SMAD1: variants seen among roughly 807,000 people sequenced by gnomAD.
SMAD1 encodes the protein SMAD family member 1, also known as MAD, mothers against decapentaplegic homolog 1.
Under a neutral mutation model 41.6 loss-of-function variants are expected in SMAD1, and 6 were observed. The ratio of observed to expected loss-of-function variants is 0.14; its 90% CI spans 0.08 to 0.28. The LOEUF is 0.28. SMAD1 is among the 10% of genes least tolerant of loss of function. The probability of loss-of-function intolerance (pLI) is 1.00; values close to 1 mark genes in which losing one functional copy is unlikely to be tolerated. For synonymous variants in SMAD1, 206 were observed against 203.2 expected, an observed-to-expected ratio of 1.01 and a Z score of -0.12; for missense variants, 379 against 582.6, an observed-to-expected ratio of 0.65 and a Z score of 3.60.
At chr4:145,534,273 A>G (rs1483682808) in intron 2 of SMAD1, among the ~76,000 whole-genome samples, 1 of 152,262 alleles carries the variant, frequency 6.6e-6, no homozygotes, top group Non-Finnish European at 1.5e-5. Context: ...TGCAGACAAT[A>G]CTTGTAGAAC....
upstream of SMAD1, among the ~76,000 whole-genome samples, chr4:145,481,026 T>A (rs1728152015): frequency 6.6e-6 from 1 of 151,984 alleles, no homozygotes; most frequent in Admixed American, 6.6e-5. Context: ...TTATGCAGCT[T>A]CAAGAGTTAG....
chr4:145,546,507 C>T, intron 4 of SMAD1, 196 bp from the exon 5 acceptor site: 2 of 550,422 alleles, frequency 3.6e-6, no homozygotes, highest in Non-Finnish European at 6.5e-6. Context: ...CAATTTTCTC[C>T]AATTAGGAGA....
intron 1 of SMAD1, among the ~76,000 whole-genome samples, chr4:145,492,947 A>G (rs912609447): frequency 6.6e-5 from 10 of 152,236 alleles, no homozygotes; most frequent in African/African-American, 2.4e-4. Flanking sequence ...AATTACATTC[A>G]GCCTTAAGTG....
chr4:145,516,396 T>G (rs1200175904), intron 2 of SMAD1, among the ~76,000 whole-genome samples: 1 of 152,234 alleles, frequency 6.6e-6, no homozygotes, highest in Non-Finnish European at 1.5e-5. Flanking sequence ...TATTGGAATT[T>G]CGTTGATTTC....
intron 2 of SMAD1, among the ~76,000 whole-genome samples, chr4:145,529,826 A>G (rs916036718): frequency 6.6e-6 from 1 of 152,218 alleles, no homozygotes; most frequent in Non-Finnish European, 1.5e-5. Flanking sequence ...CAGTGCATGT[A>G]GTAACCATTT....
intron 1 of SMAD1, among the ~76,000 whole-genome samples, chr4:145,501,453 A>G (rs1729430787): frequency 6.6e-6 from 1 of 152,216 alleles, no homozygotes; most frequent in African/African-American, 2.4e-5. Context: ...GAGGGTCCTG[A>G]TTAAATTATG....
At position 145,515,134 on chromosome 4, in the gene SMAD1, CTGTGTGTGTGTGTGTGTG is replaced by C. The variant is rs377610507; in HGVS notation, c.400+147_400+164del. The C allele has an allele frequency of 1.8e-4, 96 of 535,720 alleles. No homozygotes were observed. In the Middle Eastern group the frequency reaches 2.4e-3, roughly 13 times the overall value. 33.2% of individuals were successfully genotyped at this position (535,720 alleles called of 1,614,324 possible). A position where few individuals can be genotyped will look rare whatever the true frequency, so the allele number is the denominator to read the frequency against. The stretch of plus-strand genomic sequence containing the variant: ...TGTAATTTAAAAATATTTGGGGAAA[CTGTGTGTGTGTGTGTGTG>C]TGTGTGTGTGTGTGTGTGTGTGTGT... On this transcript the variant is annotated intron_variant, in intron 2 of 6. Coordinates refer to ENST00000302085, the MANE Select transcript of SMAD1 (RefSeq NM_005900.3).
intron 2 of SMAD1, among the ~76,000 whole-genome samples, chr4:145,520,238 C>A (rs535989621): frequency 6.6e-6 from 1 of 152,308 alleles, no homozygotes; most frequent in South Asian, 2.1e-4. Context: ...GAGGTCAAAT[C>A]AGTGTGTCAA....
At chr4:145,508,816 C>T (rs1363501887) in intron 1 of SMAD1, among the ~76,000 whole-genome samples, 1 of 152,168 alleles carries the variant, frequency 6.6e-6, no homozygotes, top group Non-Finnish European at 1.5e-5. Flanking sequence ...ATGGCCTCTT[C>T]TCTCTGTAAC....
Position 145,546,146 on chromosome 4 carries a change from G to A in SMAD1, c.776-557G>A, listed in dbSNP as rs75529094. On this transcript the variant is annotated intron_variant, in intron 4 of 6. Coordinates refer to ENST00000302085, the MANE Select transcript of SMAD1 (RefSeq NM_005900.3). ...AGAACTGGAGCAACACTGTAGCTGT[G>A]ATAGTTATTGGCAACTTAATATGAG... 8.5e-3 allele frequency: 1,330 copies of A among 156,210 alleles called. 18 individuals are homozygous for A. Among genetic ancestry groups the A allele is most frequent in the Non-Finnish European group, 0.015 (1,044 of 70,282 alleles). The allele number at this position is 156,210 out of a possible 1,614,324, so 9.7% of individuals were successfully genotyped here.
chr4:145,489,780 G>C lies in SMAD1; in HGVS notation c.-177+7742G>C, dbSNP rs537829162. 2.6e-5 allele frequency among the ~76,000 whole-genome samples: 4 copies of C among 152,324 alleles called. No individual in the cohort carries two copies. In the South Asian group the frequency reaches 8.3e-4, roughly 32 times the overall value. ...TACGTTAGACTCTCTGCAGTCATCT[G>C]CTGGGTATTCTGAGACAACCACAAA... On this transcript the variant is annotated intron_variant, in intron 1 of 6. Coordinates refer to ENST00000302085, the MANE Select transcript of SMAD1 (RefSeq NM_005900.3).
intron 4 of SMAD1, 57 bp downstream of exon 4, chr4:145,542,755 A>C: frequency 2.6e-6 from 3 of 1,144,342 alleles, no homozygotes; most frequent in East Asian, 4.8e-5. Flanking sequence ...TCCAGATGTT[A>C]CTTTCTCTCA....
chr4:145,490,250 G>A (rs1254552582), intron 1 of SMAD1, among the ~76,000 whole-genome samples: 1 of 152,228 alleles, frequency 6.6e-6, no homozygotes, highest in Non-Finnish European at 1.5e-5. Context: ...ACCGTGGTAA[G>A]GAGGGAGAGT....
intron 1 of SMAD1, among the ~76,000 whole-genome samples, chr4:145,500,692 G>T (rs1257152745): frequency 1.3e-5 from 2 of 152,118 alleles, no homozygotes; most frequent in Admixed American, 1.3e-4. Flanking sequence ...TTTGTTGAGT[G>T]AATTGAATAA....
chr4:145,533,967 G>C (rs1024379241), intron 2 of SMAD1, among the ~76,000 whole-genome samples: 32 of 152,270 alleles, frequency 2.1e-4, no homozygotes, highest in African/African-American at 7.7e-4. Flanking sequence ...TGGAGATAGG[G>C]CCTTTAAAAG....
chr4:145,549,149 G>A (rs1012793614), intron 5 of SMAD1, among the ~76,000 whole-genome samples: 26 of 152,140 alleles, frequency 1.7e-4, no homozygotes, highest in African/African-American at 5.8e-4. Context: ...CAGTTAAAGA[G>A]ATATGACACC....
In SMAD1 at chr4:145,525,966, A is replaced by G. The variant is rs191856288; in HGVS notation, c.400+10953A>G. Among the ~76,000 whole-genome samples the G allele has an allele frequency of 1.2e-4, 19 of 152,350 alleles. No individual in the cohort carries two copies. In the East Asian group the frequency reaches 3.5e-3, roughly 28 times the overall value. ...ATGCTCTGGAATCTTAGCAGGTTTTAAAAATGGAAGATCAGGTTTATATTC... is the reference window on the plus strand; with the variant it reads ...ATGCTCTGGAATCTTAGCAGGTTTTGAAAATGGAAGATCAGGTTTATATTC... On this transcript the variant is annotated intron_variant, in intron 2 of 6. Transcript: ENST00000302085.
At chr4:145,517,302 C>G (rs1402582733) in intron 2 of SMAD1, among the ~76,000 whole-genome samples, 3 of 152,166 alleles carry the variant, frequency 2.0e-5, no homozygotes, top group Admixed American at 2.0e-4. Context: ...GTCTAGCCCA[C>G]TCTTATTTAT....
intron 2 of SMAD1, among the ~76,000 whole-genome samples, chr4:145,520,293 A>T (rs1232082517): frequency 6.6e-6 from 1 of 152,256 alleles, no homozygotes; most frequent in Non-Finnish European, 1.5e-5. Flanking sequence ...TATTTACAAT[A>T]GCCAAGGTAT....
Sources: allele counts gnomAD v4.1 joint callset (sites outside exome capture counted in the v4.1 genomes callset), GRCh38; gene constraint gnomAD v4.1.1; transcripts MANE v1.5; gene names NCBI Gene and HGNC (gene_info 2026-07-23, HGNC 2026-07-21).